The following CCDC15 variants were observed in gnomAD, a reference collection of about 807,000 sequenced individuals.
The protein encoded by CCDC15 is coiled-coil domain-containing protein 15.
CCDC15 carries 105 observed loss-of-function variants against 114.5 expected under a neutral mutation model. That is an observed-to-expected ratio of 0.92 (90% CI 0.78 to 1.08). CCDC15 has a LOEUF of 1.08. Among genes scored for constraint, CCDC15 ranks in the 50% least tolerant of loss-of-function variants. The probability of loss-of-function intolerance (pLI) is 0.00; values close to 1 mark genes in which losing one functional copy is unlikely to be tolerated. For synonymous variants in CCDC15, 334 were observed against 377.8 expected (o/e 0.88, Z 1.34); for missense variants, 1,105 against 1,093.6 (o/e 1.01, Z -0.15).
intron 4 of CCDC15, among the ~76,000 whole-genome samples, chr11:124,973,373 T>C (rs1167018923): frequency 6.6e-6 from 1 of 151,952 alleles, no homozygotes; most frequent in Admixed American, 6.6e-5. Context: ...TTTTATAATT[T>C]CAACTACACA....
At chr11:125,030,198 C>G (rs1199216461) in intron 13 of CCDC15, among the ~76,000 whole-genome samples, 1 of 152,132 alleles carries the variant, frequency 6.6e-6, no homozygotes. Context: ...TGAATCCTGG[C>G]TATGGGAGAA....
At chr11:124,960,123 A>T in intron 4 of CCDC15, 120 bp downstream of exon 4, 3 of 571,538 alleles carry the variant, frequency 5.2e-6, no homozygotes, top group East Asian at 3.5e-5. Flanking sequence ...TTCACTTTTG[A>T]TAATCATCCC....
rs77838102 is a variant in CCDC15, at chr11:124,961,990, A to G, written c.516+1987A>G. On this transcript the variant is annotated intron_variant, in intron 4 of 15. Transcript: ENST00000344762. ...AAGGAGGAGGAAATCAGGTTATGAAAAACCTTAAATGTCACAAGATTTTTT... is the reference window on the plus strand; with the variant it reads ...AAGGAGGAGGAAATCAGGTTATGAAGAACCTTAAATGTCACAAGATTTTTT... Among the ~76,000 whole-genome samples the G allele has an allele frequency of 5.7e-3, 871 of 152,298 alleles. 9 individuals are homozygous for G. Among genetic ancestry groups the G allele is most frequent in the African/African-American group, 0.019 (801 of 41,570 alleles).
rs1948238898 is a variant in CCDC15 at position 124,989,806 on chromosome 11, C to G, written c.1909-1655C>G. On this transcript the variant is annotated intron_variant, in intron 8 of 15. Transcript: ENST00000344762. Reference sequence around the variant, plus strand: ...TAGTTTTTTCACTTCTCTCAGCCTTCATAATATTGAAGAGAGTTAGGGCCT... The same window carrying G: ...TAGTTTTTTCACTTCTCTCAGCCTTGATAATATTGAAGAGAGTTAGGGCCT... 2.6e-5 allele frequency among the ~76,000 whole-genome samples: 4 copies of G among 152,328 alleles called. No homozygotes were observed. The South Asian group carries it at 8.3e-4, about 32-fold the overall frequency.
chr11:124,959,951 G>T lies in CCDC15; in HGVS notation c.464G>T (p.Gly155Val). Reference protein sequence around the residue: ...RLPPSLMPGDGIEDEENQNEL... With the variant: ...RLPPSLMPGDVIEDEENQNEL... ...CCTCCTTCCCTGATGCCTGGGGATGGAATAGAGGATGAAGAGAATCAGAAC... is the reference window on the plus strand; with the variant it reads ...CCTCCTTCCCTGATGCCTGGGGATGTAATAGAGGATGAAGAGAATCAGAAC... The change falls in exon 4 of 16, where the codon GGA becomes GTA. Residue 155 changes from glycine (G) to valine (V), a missense_variant. Physicochemically the swap from Gly to Val is moderately radical, Grantham distance 109. Coordinates refer to ENST00000344762, the MANE Select transcript of CCDC15 (RefSeq NM_025004.3). 1 of 1,583,934 alleles carries T rather than the reference G, an allele frequency of 6.3e-7. No homozygotes were observed. Among genetic ancestry groups the T allele is most frequent in the Non-Finnish European group, 8.6e-7 (1 of 1,163,160 alleles).
Position 125,038,601 on chromosome 11 carries a change from T to G in CCDC15, c.2582T>G (p.Leu861Arg). The change falls in exon 14 of 16, where the codon CTG becomes CGG. Residue 861 changes from leucine to arginine, a missense_variant. Leu to Arg is a moderately radical substitution (Grantham distance 102). Transcript: ENST00000344762. ...AAACAACAGAGAGAAAAAGAATACC[T>G]GAGGTAATTTGAAAAGGTCTTCATG... is the stretch of plus-strand genomic sequence containing the variant. The part of the protein sequence containing the change: ...REKQQREKEY[L>R]RYVEALRAQI... 6.4e-7 allele frequency: 1 copy of G among 1,552,804 alleles called. No homozygotes were observed.
intron 6 of CCDC15, among the ~76,000 whole-genome samples, chr11:124,985,015 C>A (rs961031023): frequency 3.9e-5 from 6 of 152,182 alleles, no homozygotes; most frequent in Admixed American, 1.3e-4. Context: ...TCTCCTTGCC[C>A]TTAACCTCAA....
chr11:124,968,349 A>T (rs1403340097), intron 4 of CCDC15, among the ~76,000 whole-genome samples: 1 of 152,158 alleles, frequency 6.6e-6, no homozygotes, highest in Non-Finnish European at 1.5e-5. Context: ...TACCTACTGA[A>T]GCCTCAGGAA....
chr11:124,994,745 T>C (rs182244903), intron 11 of CCDC15, among the ~76,000 whole-genome samples: 3 of 152,340 alleles, frequency 2.0e-5, no homozygotes, highest in Non-Finnish European at 2.9e-5. Context: ...TTAAGATCTG[T>C]AGTTTTTCAA....
chr11:125,007,661 G>C (rs540858856), intron 13 of CCDC15, among the ~76,000 whole-genome samples: 1 of 151,960 alleles, frequency 6.6e-6, no homozygotes, highest in African/African-American at 2.4e-5. Context: ...TCTCCATACC[G>C]TTTTCCATAA....
rs1263094669 is a variant in CCDC15 at position 125,038,586 on chromosome 11, G to C, written c.2567G>C (p.Arg856Thr). The C allele has an allele frequency of 1.3e-6, 2 of 1,568,518 alleles. No individual in the cohort carries two copies. Among genetic ancestry groups the C allele is most frequent in the Non-Finnish European group, 1.7e-6 (2 of 1,160,712 alleles). Residue 856 changes from arginine to threonine, a missense_variant, in exon 14 of 16, where the codon AGA (arginine) becomes ACA (threonine). By Grantham distance (71) the Arg-to-Thr change is moderately conservative. Coordinates refer to ENST00000344762, the MANE Select transcript of CCDC15 (RefSeq NM_025004.3). ...AAAGGAACCAGAGAAAAACAACAGA[G>C]AGAAAAAGAATACCTGAGGTAATTT... Reference protein sequence around the residue: ...EIKGTREKQQREKEYLRYVEA... With the variant: ...EIKGTREKQQTEKEYLRYVEA...
In CCDC15 at chr11:125,033,138, G is replaced by T. The variant is rs140353349; in HGVS notation, c.2412-5293G>T. On this transcript the variant is annotated intron_variant, in intron 13 of 15. Transcript: ENST00000344762. ...ACTGGCTCCAGTCTGGATATTGATT[G>T]AGGGGCCATGATTCTCTGTTTTTAT... Among the ~76,000 whole-genome samples the T allele has an allele frequency of 5.8e-3, 883 of 152,302 alleles. 6 individuals carry two copies. Among genetic ancestry groups the T allele is most frequent in the Middle Eastern group, 0.024 (7 of 294 alleles).
At chr11:124,988,947 G>T (rs183207834) in intron 8 of CCDC15, among the ~76,000 whole-genome samples, 79 of 152,192 alleles carry the variant, frequency 5.2e-4, no homozygotes, top group African/African-American at 1.8e-3. Flanking sequence ...GTCCATGAGG[G>T]TTCGAATCAA....
chr11:125,009,955 C>T (rs143423337), intron 13 of CCDC15, among the ~76,000 whole-genome samples: 2 of 152,224 alleles, frequency 1.3e-5, no homozygotes, highest in East Asian at 3.9e-4. Context: ...AATAGTGGTG[C>T]GATGAACATA....
intron 6 of CCDC15, among the ~76,000 whole-genome samples, chr11:124,980,592 GTGTTTC>G (rs1948056077): frequency 6.6e-6 from 1 of 152,030 alleles, no homozygotes; most frequent in Non-Finnish European, 1.5e-5. Flanking sequence ...GGGTTTTTTT[GTGTTTC>G]TGTGAGGCCA....
chr11:125,039,712 C>T (rs1406303280), intron 15 of CCDC15, among the ~76,000 whole-genome samples: 1 of 152,112 alleles, frequency 6.6e-6, no homozygotes, highest in Non-Finnish European at 1.5e-5. Context: ...TTTTAAAAAA[C>T]ACAAATCTAA....
At chr11:124,984,735 C>T (rs1948129259) in intron 6 of CCDC15, among the ~76,000 whole-genome samples, 1 of 152,138 alleles carries the variant, frequency 6.6e-6, no homozygotes, top group Non-Finnish European at 1.5e-5. Context: ...TTCATCCCTT[C>T]CCCAGGAGCC....
Position 124,991,556 on chromosome 11 carries a change from C to T in CCDC15, c.2004C>T (p.Ser668=), listed in dbSNP as rs1190085005. The T allele has an allele frequency of 5.0e-6, 8 of 1,607,868 alleles. No individual in the cohort carries two copies. In the African/African-American group the frequency reaches 5.3e-5, roughly 11 times the overall value. ...ACTATCAGTGTTTGCCTCCCAAATC[C>T]CAGGACCAGGATGACATCAAAAATC... ...LADYQCLPPK[S]QDQDDIKNQQ... The change falls in exon 9 of 16, where the codon TCC becomes TCT. Residue 668 remains serine, a synonymous_variant. Coordinates refer to ENST00000344762, the MANE Select transcript of CCDC15 (RefSeq NM_025004.3).
At chr11:125,019,272 A>G (rs1948647716) in intron 13 of CCDC15, among the ~76,000 whole-genome samples, 2 of 152,018 alleles carry the variant, frequency 1.3e-5, no homozygotes, top group African/African-American at 4.8e-5. Context: ...TCTCCTCTTA[A>G]TGGATAAAGT....
Sources: allele counts gnomAD v4.1 joint callset (sites outside exome capture counted in the v4.1 genomes callset), GRCh38; gene constraint gnomAD v4.1.1; transcripts MANE v1.5; gene names NCBI Gene and HGNC (gene_info 2026-07-23, HGNC 2026-07-21).